Variants in GARNL3 observed in about 807,000 individuals in gnomAD.
GARNL3 encodes GTPase activating Rap/RanGAP domain like 3, also known as GTPase-activating Rap/Ran-GAP domain-like protein 3.
A neutral mutation model predicts 125.0 loss-of-function variants in GARNL3; 63 were observed. That is an observed-to-expected ratio of 0.50 (90% confidence interval 0.41 to 0.62). The LOEUF (loss-of-function observed/expected upper bound fraction) is 0.62. GARNL3 is among the 20% of genes least tolerant of loss of function. GARNL3 has a pLI of 0.00. For missense variants in GARNL3, 994 were observed against 1,244.0 expected, an observed-to-expected ratio of 0.80 and a Z score of 3.02; for synonymous variants, 439 against 457.5, an observed-to-expected ratio of 0.96 and a Z score of 0.52.
intron 20 of GARNL3, 81 bp downstream of exon 20, chr9:127,355,553 C>G (rs1830643982): frequency 7.4e-7 from 1 of 1,352,334 alleles, no homozygotes. Flanking sequence ...GAGTTTGTTA[C>G]CCACTGAGGT....
At chr9:127,286,457 G>A (rs141702758) in intron 1 of GARNL3, among the ~76,000 whole-genome samples, 2 of 152,114 alleles carry the variant, frequency 1.3e-5, no homozygotes, top group South Asian at 2.1e-4. Flanking sequence ...GACCACTTTC[G>A]TAACACCCCA....
At chr9:127,367,485 GA>G (rs1218034784) in intron 22 of GARNL3, 5 of 151,892 alleles carry the variant, frequency 3.3e-5, no homozygotes, top group African/African-American at 1.2e-4. Context: ...TGTGTTATTT[GA>G]AAAAAATATA....
intron 2 of GARNL3, among the ~76,000 whole-genome samples, chr9:127,298,619 T>A (rs1480096541): frequency 1.3e-5 from 2 of 152,260 alleles, no homozygotes; most frequent in Non-Finnish European, 2.9e-5. Context: ...TAAATAATAT[T>A]GTAATGAACA....
At chr9:127,295,601 G>A (rs755322677) in intron 2 of GARNL3, among the ~76,000 whole-genome samples, 7 of 152,142 alleles carry the variant, frequency 4.6e-5, no homozygotes, top group South Asian at 2.1e-4. Flanking sequence ...ACAAGCATTG[G>A]GTCCCCAGAT....
chr9:127,293,565 A>G (rs115302502), intron 2 of GARNL3, among the ~76,000 whole-genome samples: 5 of 151,626 alleles, frequency 3.3e-5, no homozygotes, highest in Admixed American at 2.0e-4. Context: ...CACTTTTTAT[A>G]GTTTACTGTT....
At chr9:127,288,456 G>A (rs2064315735) in intron 1 of GARNL3, among the ~76,000 whole-genome samples, 1 of 152,198 alleles carries the variant, frequency 6.6e-6, no homozygotes. Context: ...GGAGCCGCTT[G>A]GAGAGGAGCA....
Position 127,264,928 on chromosome 9 carries a change from A to C in GARNL3, c.51A>C (p.Ile17=). 1 of 1,613,466 alleles carries C rather than the reference A, an allele frequency of 6.2e-7. No homozygotes were observed. The highest frequency in any genetic ancestry group is 8.5e-7 in the Non-Finnish European group (1 of 1,179,692). The change falls in exon 1 of 28, where the codon ATA becomes ATC. Residue 17 remains isoleucine (I), a synonymous_variant. Coordinates refer to ENST00000373387, the MANE Select transcript of GARNL3 (RefSeq NM_032293.5). ...TTGTGGCCAGATCGCTATGTATAAT[A>C]CTGATGAAGCATTTTTGTTCCAGCT... ...RRFVARSLCI[I]LMKHFCSSSV...
intron 1 of GARNL3, chr9:127,225,277 G>A: frequency 1.1e-6 from 1 of 893,902 alleles, no homozygotes; most frequent in Non-Finnish European, 1.3e-6. Context: ...GAGCCCACCC[G>A]AGTGCGCCCG....
intron 2 of GARNL3, among the ~76,000 whole-genome samples, chr9:127,299,719 A>C (rs758498434): frequency 1.3e-5 from 2 of 152,080 alleles, no homozygotes; most frequent in Non-Finnish European, 2.9e-5. Context: ...TACAGGCACC[A>C]GCCACCACAC....
At chr9:127,317,849 G>GA (rs1415213089) in intron 4 of GARNL3, among the ~76,000 whole-genome samples, 1 of 152,196 alleles carries the variant, frequency 6.6e-6, no homozygotes, top group Non-Finnish European at 1.5e-5. Flanking sequence ...AGGCCATGCT[G>GA]AAATCCACAC....
chr9:127,299,426 T>C (rs1289152819), intron 2 of GARNL3, among the ~76,000 whole-genome samples: 2 of 152,104 alleles, frequency 1.3e-5, no homozygotes, highest in Non-Finnish European at 2.9e-5. Flanking sequence ...TATCTGACTT[T>C]GGCAATAAAA....
chr9:127,390,183 AC>A (rs1408073281), intron 26 of GARNL3, among the ~76,000 whole-genome samples: 1 of 152,212 alleles, frequency 6.6e-6, no homozygotes, highest in Non-Finnish European at 1.5e-5. Flanking sequence ...GATTCAGGCC[AC>A]CTGACAGGGC....
chr9:127,269,939 T>A (rs988849121), intron 1 of GARNL3, among the ~76,000 whole-genome samples: 4 of 152,196 alleles, frequency 2.6e-5, no homozygotes, highest in Non-Finnish European at 5.9e-5. Flanking sequence ...TTAATTTTGA[T>A]GAAGTAAAAT....
intron 22 of GARNL3, among the ~76,000 whole-genome samples, chr9:127,374,216 A>C (rs12550853): frequency 0.019 from 2,961 of 152,190 alleles, 41 homozygotes; most frequent in East Asian, 0.055. Flanking sequence ...CAGGAGAATC[A>C]CTTGAACCCA....
intron 11 of GARNL3, among the ~76,000 whole-genome samples, chr9:127,337,675 C>A (rs1829627905): frequency 6.6e-6 from 1 of 152,284 alleles, no homozygotes; most frequent in East Asian, 1.9e-4. Context: ...CTACCAAACC[C>A]AAAAGGAGAG....
rs909924965 is a variant in GARNL3, at chr9:127,392,655, T to C, written c.2871-428T>C. 6.6e-6 allele frequency among the ~76,000 whole-genome samples: 1 copy of C among 152,144 alleles called. No homozygotes were observed. The highest frequency in any genetic ancestry group is 1.5e-5 in the Non-Finnish European group (1 of 68,018). ...TGGAAACCAATATTGGTCAAATTAA[T>C]ATGCAGCTATTGAGAGAGTCCTGAG... On this transcript the variant is annotated intron_variant, in intron 27 of 27. Transcript: ENST00000373387. This position sits in a 1 kb window ranked among gnomAD's most constrained non-coding sequence, Gnocchi z 5.2.
At chr9:127,325,863 T>G (rs1214094087) in intron 7 of GARNL3, among the ~76,000 whole-genome samples, 5 of 152,214 alleles carry the variant, frequency 3.3e-5, no homozygotes, top group Admixed American at 6.5e-5. Flanking sequence ...GGTTTCCAGA[T>G]AGTAGCCAGT....
intron 2 of GARNL3, among the ~76,000 whole-genome samples, chr9:127,257,303 G>A (rs1243978887): frequency 6.6e-6 from 1 of 152,148 alleles, no homozygotes; most frequent in African/African-American, 2.4e-5. Flanking sequence ...TGCAGTTGCT[G>A]GGTCACATGA....
chr9:127,252,105 C>T (rs2063415688), intron 2 of GARNL3, among the ~76,000 whole-genome samples: 1 of 152,154 alleles, frequency 6.6e-6, no homozygotes. Flanking sequence ...GTATATAAGC[C>T]CCCCAGTGTA....
Sources: allele counts gnomAD v4.1 joint callset (sites outside exome capture counted in the v4.1 genomes callset), GRCh38; gene constraint gnomAD v4.1.1; non-coding constraint Gnocchi (gnomAD v3.1); transcripts MANE v1.5; gene names NCBI Gene and HGNC (gene_info 2026-07-23, HGNC 2026-07-21).